Variants in SLCO4A1 observed in about 807,000 individuals in gnomAD.
SLCO4A1 encodes the protein colon organic anion transporter.
In SLCO4A1, 51 loss-of-function variants were observed where a neutral mutation model predicts 64.6. That is an observed-to-expected ratio of 0.79 (90% CI 0.63 to 1.00). SLCO4A1 has a LOEUF of 1.00. Among genes scored for constraint, SLCO4A1 ranks in the 50% least tolerant of loss-of-function variants. SLCO4A1 has a pLI of 0.00. For missense variants in SLCO4A1, 919 were observed against 980.5 expected, an observed-to-expected ratio of 0.94 and a Z score of 0.84; for synonymous variants, 471 against 444.9, an observed-to-expected ratio of 1.06 and a Z score of -0.74.
At chr20:62,657,958 C>T (rs1984043099) in intron 2 of SLCO4A1, among the ~76,000 whole-genome samples, 1 of 152,220 alleles carries the variant, frequency 6.6e-6, no homozygotes, top group African/African-American at 2.4e-5. Context: ...CAGCCCTGGG[C>T]CCCTCACTGG....
At position 62,661,040 on chromosome 20, in the gene SLCO4A1, C is replaced by CCCCCCCCCCCCCCA; in HGVS notation, c.1010-23_1010-22insCCCCCCCCCCCCAC. The CCCCCCCCCCCCCCA allele has an allele frequency of 1.4e-6, 2 of 1,395,918 alleles. No individual in the cohort carries two copies. The highest frequency in any genetic ancestry group is 1.2e-5 in the South Asian group (1 of 86,630). The allele number at this position is 1,395,918 out of a possible 1,614,324, so 86.5% of individuals were successfully genotyped here. On this transcript the variant is annotated intron_variant, in intron 4 of 11. Coordinates refer to ENST00000217159, the MANE Select transcript of SLCO4A1 (RefSeq NM_016354.4). The surrounding 1 kb of genome is among the most constrained non-coding windows in gnomAD (Gnocchi z 5.2). Reference sequence around the variant, plus strand: ...CTCCGGGAGCCCCCAGCCCCCAGCCCCAGCTCACTCTGTGCCCTTCCAGGC... The same window carrying CCCCCCCCCCCCCCA: ...CTCCGGGAGCCCCCAGCCCCCAGCCCCCCCCCCCCCCCCACAGCTCACTCTGTGCCCTTCCAGGC...
chr20:62,681,511 TG>T (rs1987827939), intron 2 of SLCO4A1, among the ~76,000 whole-genome samples: 1 of 112,370 alleles, frequency 8.9e-6, no homozygotes, highest in Non-Finnish European at 1.8e-5. Context: ...TGTGTGCGCG[TG>T]TTTATTAAGC....
At chr20:62,681,564 A>G (rs1292175219) in intron 2 of SLCO4A1, among the ~76,000 whole-genome samples, 1 of 151,728 alleles carries the variant, frequency 6.6e-6, no homozygotes, top group Non-Finnish European at 1.5e-5. Context: ...GTGTGTACAC[A>G]CTCGTGTGTG....
chr20:62,653,899 G>T (rs991037026), intron 1 of SLCO4A1, among the ~76,000 whole-genome samples: 2 of 141,372 alleles, frequency 1.4e-5, no homozygotes, highest in African/African-American at 5.1e-5. Context: ...ATGGGGTGGG[G>T]GGAGGGGGGA....
rs777559990 is a variant in SLCO4A1, at chr20:62,672,044, C to T, written c.*151C>T. On this transcript the variant is annotated 3_prime_UTR_variant, in exon 12 of 12. Transcript: ENST00000217159. ...TTTAAAGTCGGCTGTGACCTCCTGT[C>T]CCCAGAGCTGTACGGCCCTGCAGTG... 1 of 1,546,804 alleles carries T rather than the reference C, an allele frequency of 6.5e-7. No individual in the cohort carries two copies. The highest frequency in any genetic ancestry group is 1.2e-5 in the South Asian group (1 of 86,050).
At chr20:62,654,665 G>A (rs527378836) in intron 1 of SLCO4A1, among the ~76,000 whole-genome samples, 2 of 152,202 alleles carry the variant, frequency 1.3e-5, no homozygotes, top group Non-Finnish European at 2.9e-5. Flanking sequence ...TTTGTGTTTT[G>A]GAGCCTCCCA....
chr20:62,643,279 C>G (rs547156978), intron 1 of SLCO4A1: 1 of 326,862 alleles, frequency 3.1e-6, no homozygotes, highest in Non-Finnish European at 6.1e-6. Context: ...GTTGGGCTCC[C>G]CTGACCAGGG....
In SLCO4A1 at chr20:62,658,634, T is replaced by A; in HGVS notation, c.797-43T>A. 3 of 1,530,172 alleles carry A rather than the reference T, an allele frequency of 2.0e-6. No individual in the cohort carries two copies. The South Asian group carries it at 3.5e-5, about 18-fold the overall frequency. The allele number at this position is 1,530,172 out of a possible 1,614,324, so 94.8% of individuals were successfully genotyped here. A position where few individuals can be genotyped will look rare whatever the true frequency, so the allele number is the denominator to read the frequency against. ...GCCCCACACGGCCCTCCGCAGCCCCTGGGTGGTGCACAGCGGCCCTGACGC... is the reference window on the plus strand; with the variant it reads ...GCCCCACACGGCCCTCCGCAGCCCCAGGGTGGTGCACAGCGGCCCTGACGC... On this transcript the variant is annotated intron_variant, in intron 2 of 11. Coordinates refer to ENST00000217159, the MANE Select transcript of SLCO4A1 (RefSeq NM_016354.4).
Position 62,657,776 on chromosome 20 carries a change from G to A in SLCO4A1, c.796+526G>A, listed in dbSNP as rs575164098. On this transcript the variant is annotated intron_variant, in intron 2 of 11. Transcript: ENST00000217159. ...ACACCCACGTCTGCCCGTAAGCACC[G>A]TGTCTGCTCCGGCAGCCACATAGGG... 1.5e-4 allele frequency among the ~76,000 whole-genome samples: 23 copies of A among 152,366 alleles called. No homozygotes were observed. In the East Asian group the frequency reaches 4.0e-3, roughly 27 times the overall value.
At position 62,672,286 on chromosome 20, in the gene SLCO4A1, T is replaced by C; in HGVS notation, c.*393T>C. The C allele has an allele frequency of 8.9e-7, 1 of 1,128,472 alleles. No homozygotes were observed. The allele number at this position is 1,128,472 out of a possible 1,614,324, so 69.9% of individuals were successfully genotyped here. A position where few individuals can be genotyped will look rare whatever the true frequency, so the allele number is the denominator to read the frequency against. On this transcript the variant is annotated 3_prime_UTR_variant, in exon 12 of 12. Transcript: ENST00000217159. ...GCATATCGAAATATATTTTGTTATT[T>C]AAGCCTGCGTCCCCGTACCGCGTGC...
rs899378693 is a variant in SLCO4A1 at position 62,671,953 on chromosome 20, TG to T, written c.*61del. The stretch of plus-strand genomic sequence containing the variant: ...TCAGCATTTCCTGATGACAGAACAG[TG>T]CCGTTGGGTGATGCAATCACACGGG... On this transcript the variant is annotated 3_prime_UTR_variant, in exon 12 of 12. Transcript: ENST00000217159. 4 of 1,600,972 alleles carry T rather than the reference TG, an allele frequency of 2.5e-6. No homozygotes were observed. The highest frequency in any genetic ancestry group is 3.4e-6 in the Non-Finnish European group (4 of 1,179,846).
At chr20:62,673,164 TG>T (rs1165675450), downstream of SLCO4A1, among the ~76,000 whole-genome samples, 392 of 134,968 alleles carry the variant, frequency 2.9e-3, 30 homozygotes, top group Middle Eastern at 0.011. Flanking sequence ...GGGAGGGGCA[TG>T]GGGGGGGCAC....
At chr20:62,648,773 G>A (rs1279834730) in intron 1 of SLCO4A1, among the ~76,000 whole-genome samples, 2 of 152,210 alleles carry the variant, frequency 1.3e-5, no homozygotes, top group Non-Finnish European at 2.9e-5. Flanking sequence ...GCTGATGACT[G>A]GAATTCACTC....
rs780983728 is a variant in SLCO4A1 at position 62,644,352 on chromosome 20, A to G, written c.-97+1799A>G. ...GTGCCTGGAAAATTCTTCATGAGGG[A>G]GCTTCCCTCCCGAGTGGCCGTGACC... On this transcript the variant is annotated intron_variant, in intron 1 of 11. Coordinates refer to ENST00000217159, the MANE Select transcript of SLCO4A1 (RefSeq NM_016354.4). The surrounding 1 kb of genome is among the most constrained non-coding windows in gnomAD (Gnocchi z 5.4). 1.3e-5 allele frequency among the ~76,000 whole-genome samples: 2 copies of G among 152,128 alleles called. No individual in the cohort carries two copies. Among genetic ancestry groups the G allele is most frequent in the Non-Finnish European group, 2.9e-5 (2 of 68,022 alleles).
chr20:62,666,126 T>TTCCCCG (rs1986264649), intron 6 of SLCO4A1: 1 of 33,980 alleles, frequency 2.9e-5, no homozygotes, highest in African/African-American at 1.2e-4. Flanking sequence ...CCGCTCCCCC[T>TTCCCCG]TCCCCTTCCC....
downstream of SLCO4A1, among the ~76,000 whole-genome samples, chr20:62,675,372 C>T (rs922495560): frequency 9.9e-5 from 15 of 152,142 alleles, no homozygotes; most frequent in Non-Finnish European, 1.8e-4. Flanking sequence ...GCCACCCACG[C>T]GGGCTCTGCC....
At position 62,656,928 on chromosome 20, in the gene SLCO4A1, C is replaced by T. The variant is rs1220995609; in HGVS notation, c.474C>T (p.Thr158=). 6.4e-7 allele frequency: 1 copy of T among 1,565,108 alleles called. No homozygotes were observed. Among genetic ancestry groups the T allele is most frequent in the East Asian group, 2.3e-5 (1 of 44,204 alleles). ...SYDIAACLCL[T]FVSYFGGSGH... is the part of the protein sequence containing the mutation. ...ACATTGCCGCCTGCCTCTGCCTCAC[C>T]TTCGTCAGCTACTTCGGGGGCTCAG... is the stretch of plus-strand genomic sequence containing the variant. Residue 158 remains threonine (T), a synonymous_variant, in exon 2 of 12, where the codon ACC becomes ACT. Transcript: ENST00000217159.
chr20:62,673,790 G>A (rs1324279582), downstream of SLCO4A1, among the ~76,000 whole-genome samples: 3 of 152,214 alleles, frequency 2.0e-5, 1 homozygote, highest in Non-Finnish European at 2.9e-5. Flanking sequence ...GTAGCACCTG[G>A]ACTGCAGACA....
intron 1 of SLCO4A1, chr20:62,650,796 T>C (rs1228232971): frequency 6.6e-6 from 1 of 152,202 alleles, no homozygotes; most frequent in Non-Finnish European, 1.5e-5. Flanking sequence ...TGTCCCACGT[T>C]GGGCTGGTTT....
Sources: gnomAD v4.1 joint callset for allele counts (sites outside exome capture counted in the v4.1 genomes callset) on GRCh38, gnomAD v4.1.1 for gene constraint, Gnocchi (gnomAD v3.1) non-coding constraint, MANE v1.5 for transcripts, NCBI Gene and HGNC (gene_info 2026-07-23, HGNC 2026-07-21) for gene names.